The following LRTM1 variants were observed in gnomAD, a reference collection of about 807,000 sequenced individuals.
LRTM1 encodes the protein leucine-rich repeat and transmembrane domain-containing protein 1.
A neutral mutation model predicts 32.4 loss-of-function variants in LRTM1; 38 were observed. The observed-to-expected ratio is 1.17, with a 90% CI of 0.91 to 1.54. The LOEUF (loss-of-function observed/expected upper bound fraction) is 1.54. Among genes scored for constraint, LRTM1 ranks in the 40% most tolerant of loss-of-function variants. LRTM1 has a pLI of 0.00. For synonymous variants in LRTM1, 186 were observed against 169.9 expected (o/e 1.09, Z -0.74); for missense variants, 466 against 415.4 (o/e 1.12, Z -1.06).
At position 54,933,901 on chromosome 3, in the gene LRTM1, T is replaced by A. The variant is rs577470511; in HGVS notation, c.-221-8686A>T. Among the ~76,000 whole-genome samples, 246 of 152,158 alleles carry A rather than the reference T, an allele frequency of 1.6e-3. 2 individuals carry two copies. In the Middle Eastern group the frequency reaches 0.017, roughly 11 times the overall value. Reference sequence around the variant, plus strand: ...CTCCTGCCTCAGCCTCCGGAGTAGCTGGGATTACAGGCACACACCACCATG... The same window carrying A: ...CTCCTGCCTCAGCCTCCGGAGTAGCAGGGATTACAGGCACACACCACCATG... On this transcript the variant is annotated intron_variant, in intron 1 of 2. Coordinates refer to the LRTM1 transcript ENST00000493075.
intron 1 of LRTM1, among the ~76,000 whole-genome samples, chr3:54,962,949 A>C (rs974570755): frequency 6.6e-6 from 1 of 152,176 alleles, no homozygotes; most frequent in African/African-American, 2.4e-5. Context: ...TTTTATTTCT[A>C]ATTTTATATG....
At chr3:54,925,705 A>C (rs576631912) in intron 1 of LRTM1, among the ~76,000 whole-genome samples, 40 of 152,332 alleles carry the variant, frequency 2.6e-4, no homozygotes, top group African/African-American at 9.4e-4. Context: ...ATGGGAGCCA[A>C]TAGCCATGTG....
intron 1 of LRTM1, among the ~76,000 whole-genome samples, chr3:54,936,928 C>T (rs1452811218): frequency 2.0e-5 from 3 of 152,144 alleles, no homozygotes; most frequent in East Asian, 1.9e-4. Context: ...CTCACTGCTA[C>T]GGCTGATGTT....
chr3:54,922,058 T>G (rs1700868275), intron 2 of LRTM1, among the ~76,000 whole-genome samples: 1 of 152,194 alleles, frequency 6.6e-6, no homozygotes, highest in African/African-American at 2.4e-5. Context: ...TTACCCCAAA[T>G]CAATTTCTGC....
intron 1 of LRTM1, among the ~76,000 whole-genome samples, chr3:54,949,183 A>C (rs1231324738): frequency 3.3e-5 from 5 of 152,124 alleles, no homozygotes; most frequent in African/African-American, 9.7e-5. Context: ...TCCTTGATAT[A>C]GTTTTGGTCA....
upstream of LRTM1, among the ~76,000 whole-genome samples, chr3:54,929,391 G>C (rs149026458): frequency 1.5e-3 from 234 of 152,302 alleles, 2 homozygotes; most frequent in African/African-American, 5.2e-3. Flanking sequence ...TCCTGAGGGA[G>C]GTCTTGACAG....
At chr3:54,919,303 C>T (rs2106926076) in intron 2 of LRTM1, among the ~76,000 whole-genome samples, 1 of 152,266 alleles carries the variant, frequency 6.6e-6, no homozygotes, top group Admixed American at 6.5e-5. Context: ...CATTGAAAAT[C>T]TAAGGAAAAA....
At chr3:54,944,404 T>G (rs1041296908) in intron 1 of LRTM1, among the ~76,000 whole-genome samples, 27 of 142,344 alleles carry the variant, frequency 1.9e-4, no homozygotes, top group African/African-American at 6.2e-4. Flanking sequence ...GGGTATTTAT[T>G]TATTTATTTA....
Position 54,918,509 on chromosome 3 carries a change from C to G in LRTM1, c.988G>C (p.Asp330His), listed in dbSNP as rs781338601. 35 of 1,613,866 alleles carry G rather than the reference C, an allele frequency of 2.2e-5. No individual in the cohort carries two copies. Among genetic ancestry groups the G allele is most frequent in the Non-Finnish European group, 3.0e-5 (35 of 1,179,982 alleles). ...YHGGPLAQTN[D>H]PGKVEEKERF... ...TCTTTTTCTTCCACCTTCCCAGGAT[C>G]ATTGGTTTGAGCCAAGGGTCCCCCA... The change falls in exon 3 of 3, where the codon GAT (aspartate) becomes CAT (histidine). Residue 330 changes from aspartate (D) to histidine (H), a missense_variant. Physicochemically the swap from Asp to His is moderately conservative, Grantham distance 81. Coordinates refer to ENST00000273286, the MANE Select transcript of LRTM1 (RefSeq NM_020678.4).
At chr3:54,952,193 A>G (rs1210369606) in intron 1 of LRTM1, among the ~76,000 whole-genome samples, 1 of 152,084 alleles carries the variant, frequency 6.6e-6, no homozygotes, top group East Asian at 1.9e-4. Flanking sequence ...TTGGTTCTAT[A>G]CTATTTCTTC....
At chr3:54,951,784 G>C (rs1272367327) in intron 1 of LRTM1, among the ~76,000 whole-genome samples, 1 of 152,186 alleles carries the variant, frequency 6.6e-6, no homozygotes, top group Non-Finnish European at 1.5e-5. Flanking sequence ...CACAGGGTGG[G>C]TTCCTGGCCC....
chr3:54,939,515 A>C (rs973763112), intron 1 of LRTM1, among the ~76,000 whole-genome samples: 5 of 152,242 alleles, frequency 3.3e-5, no homozygotes, highest in African/African-American at 1.2e-4. Context: ...AGGCAGGGCC[A>C]CAGGGAAAAG....
chr3:54,956,050 C>T (rs1004191714), intron 1 of LRTM1, among the ~76,000 whole-genome samples: 9 of 152,208 alleles, frequency 5.9e-5, no homozygotes, highest in Non-Finnish European at 7.3e-5. Context: ...TCCGCCCCTC[C>T]TTAATGTTTC....
chr3:54,927,957 A>G lies in LRTM1; in HGVS notation c.-46T>C, dbSNP rs760268893. ...CCTTGCTGACCTCGTAGACCCTTTA[A>G]TTAATGTGCAGAGCAACACACGAAG... On this transcript the variant is annotated 5_prime_UTR_variant, in exon 1 of 3. Transcript: ENST00000273286. The G allele has an allele frequency of 6.2e-7, 1 of 1,600,226 alleles. No homozygotes were observed. Among genetic ancestry groups the G allele is most frequent in the Admixed American group, 1.7e-5 (1 of 59,974 alleles).
intron 1 of LRTM1, among the ~76,000 whole-genome samples, chr3:54,964,335 G>A (rs1702095632): frequency 1.3e-5 from 2 of 152,158 alleles, no homozygotes; most frequent in South Asian, 4.1e-4. Flanking sequence ...GAAGTAAGGA[G>A]CACTGTGACC....
chr3:54,922,567 A>T (rs1177856813), intron 2 of LRTM1, among the ~76,000 whole-genome samples: 2 of 152,032 alleles, frequency 1.3e-5, no homozygotes, highest in African/African-American at 2.4e-5. Flanking sequence ...GTTGAGAAGG[A>T]TTTATTCAAT....
intron 2 of LRTM1, among the ~76,000 whole-genome samples, chr3:54,923,312 C>A: frequency 6.6e-6 from 1 of 152,134 alleles, no homozygotes; most frequent in East Asian, 1.9e-4. Context: ...TCTTGTCCCT[C>A]TTTTTGTCCT....
chr3:54,956,127 G>C (rs1258037862), intron 1 of LRTM1, among the ~76,000 whole-genome samples: 2 of 152,126 alleles, frequency 1.3e-5, no homozygotes, highest in African/African-American at 2.4e-5. Context: ...GGGAGGATCT[G>C]CCTTGGGCCA....
intron 1 of LRTM1, among the ~76,000 whole-genome samples, chr3:54,956,876 A>G (rs1701910861): frequency 1.3e-5 from 2 of 152,138 alleles, no homozygotes; most frequent in African/African-American, 4.8e-5. Context: ...AGCACACTAC[A>G]TCTTACAGTT....
Sources: gnomAD v4.1 joint callset for allele counts (sites outside exome capture counted in the v4.1 genomes callset) on GRCh38, gnomAD v4.1.1 for gene constraint, MANE v1.5 for transcripts, NCBI Gene and HGNC (gene_info 2026-07-23, HGNC 2026-07-21) for gene names.